The following LOC728743 variants were observed in gnomAD, a reference collection of about 807,000 sequenced individuals.
At chr7:150,408,078 G>T in the LOC728743 span, 1 of 377,182 alleles carries the variant, frequency 2.7e-6, no homozygotes, top group Non-Finnish European at 4.7e-6. Flanking sequence ...CACCCGCGCC[G>T]CCCCGGCGTC....
the LOC728743 span, among the ~76,000 whole-genome samples, chr7:150,406,090 G>A: frequency 6.6e-6 from 1 of 152,180 alleles, no homozygotes; most frequent in Non-Finnish European, 1.5e-5. Flanking sequence ...GCTGCCTGTG[G>A]AAAAGACTTG....
At chr7:150,408,083 G>T in the LOC728743 span, 3 of 376,346 alleles carry the variant, frequency 8.0e-6, no homozygotes, top group Non-Finnish European at 1.4e-5. Context: ...GCGCCGCCCC[G>T]GCGTCTTCGG....
chr7:150,409,777 G>C, the LOC728743 span, among the ~76,000 whole-genome samples: 1 of 152,090 alleles, frequency 6.6e-6, no homozygotes, highest in African/African-American at 2.4e-5. Flanking sequence ...ATTCAGTCCT[G>C]TGCTGGGTGC....
the LOC728743 span, chr7:150,410,154 C>T: frequency 2.5e-6 from 1 of 398,564 alleles, no homozygotes; most frequent in Non-Finnish European, 4.4e-6. Context: ...TTGTTTCTGT[C>T]GACAGTTGCA....
chr7:150,406,432 T>C, the LOC728743 span, among the ~76,000 whole-genome samples: 1 of 151,912 alleles, frequency 6.6e-6, no homozygotes, highest in Admixed American at 6.6e-5. Context: ...GCTGGGATGG[T>C]GGCAGTGGGG....
the LOC728743 span, among the ~76,000 whole-genome samples, chr7:150,409,474 G>C: frequency 5.5e-3 from 838 of 152,304 alleles, 2 homozygotes; most frequent in Non-Finnish European, 9.1e-3. Flanking sequence ...TCTGAGGCAC[G>C]GGCCTCTTCA....
chr7:150,402,903 G>A, the LOC728743 span, among the ~76,000 whole-genome samples: 3 of 152,128 alleles, frequency 2.0e-5, no homozygotes, highest in Admixed American at 6.5e-5. Flanking sequence ...TGAGCTACAC[G>A]TTTACCCATG....
the LOC728743 span, chr7:150,407,698 C>G: frequency 5.0e-6 from 2 of 399,320 alleles, no homozygotes; most frequent in Non-Finnish European, 8.8e-6. Flanking sequence ...TGGTCATCCA[C>G]CACCCTGCAG....
the LOC728743 span, among the ~76,000 whole-genome samples, chr7:150,404,216 CTT>C: frequency 6.6e-6 from 1 of 152,238 alleles, no homozygotes; most frequent in Non-Finnish European, 1.5e-5. Flanking sequence ...CTACTTGTGA[CTT>C]TTAAAATAAC....
chr7:150,407,730 C>G, the LOC728743 span: 2 of 399,700 alleles, frequency 5.0e-6, no homozygotes, highest in Non-Finnish European at 8.8e-6. Flanking sequence ...TACCGCTGCC[C>G]GCTGTGCGGC....
At chr7:150,409,412 G>A in the LOC728743 span, among the ~76,000 whole-genome samples, 2 of 152,190 alleles carry the variant, frequency 1.3e-5, no homozygotes, top group Non-Finnish European at 2.9e-5. Context: ...CTGGCAGTGA[G>A]AAAGGGGGCA....
chr7:150,405,482 T>A, the LOC728743 span: 2 of 143,682 alleles, frequency 1.4e-5, no homozygotes, highest in African/African-American at 5.0e-5. Context: ...TAATTACGTA[T>A]TTATCCAGGG....
At chr7:150,410,789 C>G in the LOC728743 span, 1 of 152,154 alleles carries the variant, frequency 6.6e-6, no homozygotes, top group Non-Finnish European at 1.5e-5. Context: ...CTGAATGAAA[C>G]CCATCCCTGG....
chr7:150,410,963 T>C, the LOC728743 span: 1 of 152,290 alleles, frequency 6.6e-6, no homozygotes, highest in South Asian at 2.1e-4. Flanking sequence ...GAGGAGCCCT[T>C]TTTAGTCATT....
the LOC728743 span, chr7:150,411,069 C>T: frequency 6.6e-6 from 1 of 152,374 alleles, no homozygotes; most frequent in African/African-American, 2.4e-5. Context: ...TAGATTTTCT[C>T]TTCTGGTTTT....
chr7:150,404,420 C>T, the LOC728743 span: 1 of 152,224 alleles, frequency 6.6e-6, no homozygotes, highest in African/African-American at 2.4e-5. Context: ...CGTCTGTGCT[C>T]TGCTACTTAG....
chr7:150,407,629 C>T, the LOC728743 span: 1 of 398,908 alleles, frequency 2.5e-6, no homozygotes, highest in Admixed American at 4.4e-5. Flanking sequence ...AGCTGGCGTC[C>T]TCCGGGGGCG....
the LOC728743 span, among the ~76,000 whole-genome samples, chr7:150,404,313 T>A: frequency 6.6e-6 from 1 of 152,348 alleles, no homozygotes; most frequent in Admixed American, 6.5e-5. Flanking sequence ...TTTACTTCCC[T>A]GTCGTCACAC....
At chr7:150,409,784 G>T in the LOC728743 span, among the ~76,000 whole-genome samples, 1 of 152,044 alleles carries the variant, frequency 6.6e-6, no homozygotes, top group Non-Finnish European at 1.5e-5. Flanking sequence ...CCTGTGCTGG[G>T]TGCTGGAGAC....
Sources: gnomAD v4.1 joint callset for allele counts (sites outside exome capture counted in the v4.1 genomes callset) on GRCh38, gnomAD v4.1.1 for gene constraint, MANE v1.5 for transcripts.